Variants in GRID1 observed in about 807,000 individuals in gnomAD.
The protein encoded by GRID1 is glutamate receptor ionotropic, delta-1.
Under a neutral mutation model 98.0 loss-of-function variants are expected in GRID1, and 28 were observed. The observed-to-expected ratio is 0.29, with a 90% CI of 0.21 to 0.39. GRID1 has a LOEUF of 0.39. Ranked by LOEUF, GRID1 falls within the 10% of genes least tolerant of loss-of-function variation. The pLI is 1.00. For synonymous variants in GRID1, 553 were observed against 538.5 expected (o/e 1.03, Z -0.37); for missense variants, 1,111 against 1,340.5 (o/e 0.83, Z 2.67).
In GRID1 at chr10:86,138,994, T is replaced by C. The variant is rs375903866; in HGVS notation, c.551A>G (p.Gln184Arg). 2 of 1,613,928 alleles carry C rather than the reference T, an allele frequency of 1.2e-6. No homozygotes were observed. Among genetic ancestry groups the C allele is most frequent in the African/African-American group, 2.7e-5 (2 of 74,934 alleles). Residue 184 changes from glutamine (Q) to arginine (R), a missense_variant, in exon 4 of 16, where the codon CAG becomes CGG. Gln to Arg is a conservative substitution (Grantham distance 43, BLOSUM62 1). This residue lies in a region of GRID1 where 346 missense variants were observed against 452.3 expected (regional missense o/e 0.76). Transcript: ENST00000327946. ...GACGTCAAGGCCCAGCCGCGAGGCCTGGTCCAGAAAGCTTTGAAGCCCACG... is the reference window on the plus strand; with the variant it reads ...GACGTCAAGGCCCAGCCGCGAGGCCCGGTCCAGAAAGCTTTGAAGCCCACG... ...DIRGLQSFLD[Q>R]ASRLGLDVSL...
intron 3 of GRID1, among the ~76,000 whole-genome samples, chr10:86,147,724 C>A (rs1352045933): frequency 6.6e-6 from 1 of 152,212 alleles, no homozygotes; most frequent in Non-Finnish European, 1.5e-5. Context: ...CCTGGAGGGC[C>A]TGTCTCTCCC....
intron 8 of GRID1, among the ~76,000 whole-genome samples, chr10:85,770,310 A>C (rs867025775): frequency 2.0e-5 from 3 of 152,298 alleles, no homozygotes; most frequent in African/African-American, 7.2e-5. Context: ...GGACATCCAC[A>C]CCAAAAACCC....
chr10:86,268,589 C>A (rs1847140238), intron 2 of GRID1, among the ~76,000 whole-genome samples: 1 of 152,208 alleles, frequency 6.6e-6, no homozygotes, highest in Non-Finnish European at 1.5e-5. Context: ...AGGAGGCCAC[C>A]AACACCATTT....
intron 2 of GRID1, among the ~76,000 whole-genome samples, chr10:86,359,149 A>G (rs571706225): frequency 2.0e-5 from 3 of 152,212 alleles, no homozygotes; most frequent in Non-Finnish European, 4.4e-5. Context: ...TCCGCACCAC[A>G]AGAAAACTAA....
At position 85,602,222 on chromosome 10, in the gene GRID1, G is replaced by T; in HGVS notation, c.*51C>A. ...TGTTGTTGTTTTCTTGTATTAAAAA[G>T]CTCTGCTGGTCGGGTGGGTGGGAGG... is the stretch of plus-strand genomic sequence containing the variant. On this transcript the variant is annotated 3_prime_UTR_variant, in exon 16 of 16. Transcript: ENST00000327946. The T allele has an allele frequency of 7.0e-6, 8 of 1,148,386 alleles. No individual in the cohort carries two copies. Among genetic ancestry groups the T allele is most frequent in the Middle Eastern group, 6.1e-4 (2 of 3,286 alleles). The allele number at this position is 1,148,386 out of a possible 1,614,324, so 71.1% of individuals were successfully genotyped here.
At chr10:85,790,582 C>T (rs972552629) in intron 8 of GRID1, among the ~76,000 whole-genome samples, 2 of 152,150 alleles carry the variant, frequency 1.3e-5, no homozygotes, top group Non-Finnish European at 2.9e-5. Context: ...CAGTATGGGG[C>T]ACCAGGGGAT....
intron 3 of GRID1, among the ~76,000 whole-genome samples, chr10:86,168,949 C>A (rs72835302): frequency 0.076 from 11,531 of 152,208 alleles, 568 homozygotes; most frequent in Non-Finnish European, 0.12. Context: ...GAAATTGAAG[C>A]TAGAAAGGGG....
chr10:85,637,318 A>G (rs1843057447), intron 13 of GRID1, among the ~76,000 whole-genome samples: 1 of 152,226 alleles, frequency 6.6e-6, no homozygotes, highest in Admixed American at 6.5e-5. Context: ...TAACCTAAAG[A>G]TTTCCTCTCA....
rs376470881 is a variant in GRID1, at chr10:86,207,781, G to A, written c.236-1133C>T. ...CCTGTAGCTGGGACTACAGGCACGC[G>A]CCACCATGCCCGGCTAATTTTTGTA... On this transcript the variant is annotated intron_variant, in intron 2 of 15. Coordinates refer to ENST00000327946, the MANE Select transcript of GRID1 (RefSeq NM_017551.3). Among the ~76,000 whole-genome samples the A allele has an allele frequency of 1.3e-3, 196 of 152,034 alleles. 1 individual carries two copies. The highest frequency in any genetic ancestry group is 4.6e-3 in the African/African-American group (191 of 41,458).
intron 8 of GRID1, among the ~76,000 whole-genome samples, chr10:85,831,502 A>G (rs1448077073): frequency 6.6e-6 from 1 of 152,258 alleles, no homozygotes; most frequent in Admixed American, 6.5e-5. Context: ...AATATGAAAC[A>G]ATAAAATGAG....
chr10:86,124,867 G>C (rs1234566920), intron 4 of GRID1, among the ~76,000 whole-genome samples: 2 of 152,180 alleles, frequency 1.3e-5, no homozygotes, highest in Non-Finnish European at 2.9e-5. Context: ...GGAAACCTTA[G>C]TCCCAGGCTC....
intron 2 of GRID1, among the ~76,000 whole-genome samples, chr10:86,340,023 C>T (rs1320258885): frequency 1.3e-5 from 2 of 152,020 alleles, no homozygotes; most frequent in Admixed American, 6.6e-5. Context: ...CTGCATGGAT[C>T]CCAGGGAAGA....
chr10:86,170,610 C>G (rs150580179), intron 3 of GRID1, among the ~76,000 whole-genome samples: 3 of 152,210 alleles, frequency 2.0e-5, no homozygotes, highest in African/African-American at 7.2e-5. Context: ...TTGCAGAGAG[C>G]CTGCCATGGC....
intron 4 of GRID1, among the ~76,000 whole-genome samples, chr10:86,026,722 C>T (rs1163889035): frequency 6.6e-6 from 1 of 152,196 alleles, no homozygotes; most frequent in Non-Finnish European, 1.5e-5. Flanking sequence ...CCAGACCTAC[C>T]CTGGAGCCAG....
At chr10:86,107,627 T>A (rs1055125085) in intron 4 of GRID1, among the ~76,000 whole-genome samples, 3 of 152,184 alleles carry the variant, frequency 2.0e-5, no homozygotes, top group African/African-American at 7.2e-5. Flanking sequence ...AGACCTCCCC[T>A]GGCCTGCCAT....
Position 85,772,131 on chromosome 10 carries a change from C to A in GRID1, c.1234-42517G>T, listed in dbSNP as rs185609705. Among the ~76,000 whole-genome samples, 237 of 152,242 alleles carry A rather than the reference C, an allele frequency of 1.6e-3. 1 individual carries two copies. Among genetic ancestry groups the A allele is most frequent in the African/African-American group, 5.3e-3 (221 of 41,520 alleles). ...AATCATAACAAACTGTCTCTCAGACCACAGTGCAATCAAACTAGAACTCAG... is the reference window on the plus strand; with the variant it reads ...AATCATAACAAACTGTCTCTCAGACAACAGTGCAATCAAACTAGAACTCAG... On this transcript the variant is annotated intron_variant, in intron 8 of 15. Coordinates refer to ENST00000327946, the MANE Select transcript of GRID1 (RefSeq NM_017551.3).
At chr10:86,178,373 G>C (rs534062273) in intron 3 of GRID1, among the ~76,000 whole-genome samples, 1 of 151,896 alleles carries the variant, frequency 6.6e-6, no homozygotes, top group African/African-American at 2.4e-5. Flanking sequence ...AGGGAGGACA[G>C]GGGGAGAAGA....
At chr10:86,110,406 A>C (rs1256583733) in intron 4 of GRID1, among the ~76,000 whole-genome samples, 1 of 152,108 alleles carries the variant, frequency 6.6e-6, no homozygotes, top group Non-Finnish European at 1.5e-5. Flanking sequence ...GCCCAGGAAG[A>C]GGGGAAGATG....
chr10:85,889,138 G>A lies in GRID1; in HGVS notation c.781-19958C>T, dbSNP rs561808726. 7.7e-4 allele frequency among the ~76,000 whole-genome samples: 117 copies of A among 152,230 alleles called. 1 individual carries two copies. The highest frequency in any genetic ancestry group is 3.4e-3 in the Middle Eastern group (1 of 294). ...AGCTTTGCCTGGCATTTGGAGGGACGGCAAATCTAGAGTGTTTGCAGTTCA... is the reference window on the plus strand; with the variant it reads ...AGCTTTGCCTGGCATTTGGAGGGACAGCAAATCTAGAGTGTTTGCAGTTCA... On this transcript the variant is annotated intron_variant, in intron 5 of 15. Transcript: ENST00000327946.
Sources: allele counts gnomAD v4.1 joint callset (sites outside exome capture counted in the v4.1 genomes callset), GRCh38; gene constraint gnomAD v4.1.1; regional missense constraint gnomAD v4.1.1; transcripts MANE v1.5; gene names NCBI Gene and HGNC (gene_info 2026-07-23, HGNC 2026-07-21).